The following NRG3 variants were observed in gnomAD, a reference collection of about 807,000 sequenced individuals.
NRG3 encodes neuregulin 3.
NRG3 carries 31 observed loss-of-function variants against 66.9 expected under a neutral mutation model. The ratio of observed to expected loss-of-function variants is 0.46; its 90% CI spans 0.35 to 0.63. NRG3 has a LOEUF of 0.63. Ranked by LOEUF, NRG3 falls within the 20% of genes least tolerant of loss-of-function variation. The probability of loss-of-function intolerance (pLI) is 0.00; values close to 1 mark genes in which losing one functional copy is unlikely to be tolerated. For synonymous variants in NRG3, 393 were observed against 359.4 expected (o/e 1.09, Z -1.06); for missense variants, 910 against 878.9 (o/e 1.04, Z -0.45).
chr10:82,629,141 T>C (rs2049634045), intron 2 of NRG3, among the ~76,000 whole-genome samples: 1 of 152,154 alleles, frequency 6.6e-6, no homozygotes, highest in African/African-American at 2.4e-5. Context: ...ATTCAAGGGA[T>C]CAGTACAGGC....
chr10:82,813,593 G>A (rs1400390684), intron 3 of NRG3, among the ~76,000 whole-genome samples: 1 of 152,042 alleles, frequency 6.6e-6, no homozygotes, highest in Non-Finnish European at 1.5e-5. Flanking sequence ...CGAGAGCATG[G>A]TAATCTTGAG....
chr10:82,241,166 T>C (rs1248344618), intron 1 of NRG3, among the ~76,000 whole-genome samples: 1 of 152,066 alleles, frequency 6.6e-6, no homozygotes, highest in East Asian at 1.9e-4. Flanking sequence ...AAAAACAACA[T>C]TGCATTTGAA....
rs185121194 is a variant in NRG3 at position 82,864,592 on chromosome 10, A to T, written c.1028-819A>T. 1.6e-3 allele frequency among the ~76,000 whole-genome samples: 247 copies of T among 152,368 alleles called. 1 individual carries two copies. The highest frequency in any genetic ancestry group is 2.7e-3 in the Non-Finnish European group (182 of 68,034). On this transcript the variant is annotated intron_variant, in intron 3 of 8. Coordinates refer to ENST00000372141, the MANE Select transcript of NRG3 (RefSeq NM_001010848.4). Reference sequence around the variant, plus strand: ...AAGTGAATGAGTGAATAACTGAATGATTAAAAAAAGAACCATTTAAATAGA... The same window carrying T: ...AAGTGAATGAGTGAATAACTGAATGTTTAAAAAAAGAACCATTTAAATAGA...
intron 6 of NRG3, among the ~76,000 whole-genome samples, chr10:82,961,459 G>A (rs765247502): frequency 6.7e-4 from 102 of 152,274 alleles, no homozygotes; most frequent in Middle Eastern, 6.8e-3. Flanking sequence ...AAATAGAAAT[G>A]GGATTTGGAG....
chr10:82,854,727 C>T (rs1282188794), intron 3 of NRG3, among the ~76,000 whole-genome samples: 1 of 152,182 alleles, frequency 6.6e-6, no homozygotes. Flanking sequence ...TTACCTCACA[C>T]AGTTTCTTGA....
In NRG3 at chr10:82,349,919, C is replaced by T. The variant is rs567684441; in HGVS notation, c.824-8820C>T. On this transcript the variant is annotated intron_variant, in intron 1 of 8. Transcript: ENST00000372141. ...AGTGAGGCAATGCCTCGCCCTGCTTCGGCTCGCGCACGGTGCGCGCACCCA... is the reference window on the plus strand; with the variant it reads ...AGTGAGGCAATGCCTCGCCCTGCTTTGGCTCGCGCACGGTGCGCGCACCCA... Among the ~76,000 whole-genome samples the T allele has an allele frequency of 1.2e-4, 19 of 152,268 alleles. No individual in the cohort carries two copies. The East Asian group carries it at 1.4e-3, about 11-fold the overall frequency.
At chr10:82,323,061 G>A (rs1035176688) in intron 1 of NRG3, among the ~76,000 whole-genome samples, 4 of 152,150 alleles carry the variant, frequency 2.6e-5, no homozygotes, top group African/African-American at 9.7e-5. Flanking sequence ...CTGCATAATT[G>A]AAATAAAATA....
chr10:82,889,272 A>T (rs1842960041), intron 4 of NRG3, among the ~76,000 whole-genome samples: 2 of 152,132 alleles, frequency 1.3e-5, no homozygotes, highest in South Asian at 4.1e-4. Flanking sequence ...ATACTGAGAG[A>T]GAGTCTGCTG....
At chr10:81,877,879 A>T (rs1164387234) in intron 1 of NRG3, 134 of 1,531,370 alleles carry the variant, frequency 8.8e-5, no homozygotes, top group Non-Finnish European at 1.2e-4. Flanking sequence ...TGTATGTGTG[A>T]ACATATTCAA....
intron 6 of NRG3, among the ~76,000 whole-genome samples, chr10:82,968,345 G>T (rs1851394042): frequency 6.6e-6 from 1 of 152,098 alleles, no homozygotes; most frequent in Admixed American, 6.5e-5. Flanking sequence ...GAAACAAAAT[G>T]CTGTGAGAGA....
chr10:82,367,410 C>G (rs2084605441), intron 2 of NRG3, among the ~76,000 whole-genome samples: 1 of 151,988 alleles, frequency 6.6e-6, no homozygotes, highest in Non-Finnish European at 1.5e-5. Flanking sequence ...GTTTTTATAG[C>G]CAATAGACTC....
chr10:82,516,158 G>GTA (rs936759788), intron 2 of NRG3, among the ~76,000 whole-genome samples: 1 of 152,004 alleles, frequency 6.6e-6, no homozygotes, highest in African/African-American at 2.4e-5. Context: ...GTGTGTGTGT[G>GTA]TATGTGTGTG....
At chr10:82,390,604 G>T (rs1388272215) in intron 2 of NRG3, among the ~76,000 whole-genome samples, 1 of 152,140 alleles carries the variant, frequency 6.6e-6, no homozygotes, top group Middle Eastern at 3.2e-3. Flanking sequence ...TGTGTAGTTT[G>T]AATAAGGTGT....
intron 3 of NRG3, among the ~76,000 whole-genome samples, chr10:82,744,710 T>G (rs945137713): frequency 6.6e-6 from 1 of 152,162 alleles, no homozygotes; most frequent in African/African-American, 2.4e-5. Flanking sequence ...CTTCACTCAT[T>G]CAAAATCTTA....
intron 2 of NRG3, among the ~76,000 whole-genome samples, chr10:82,588,739 G>A (rs988526107): frequency 6.6e-6 from 1 of 152,112 alleles, no homozygotes; most frequent in Non-Finnish European, 1.5e-5. Context: ...CCGACCTCAT[G>A]ATCTGCCCAC....
In NRG3 at chr10:82,297,642, A is replaced by G. The variant is rs181749954; in HGVS notation, c.824-61097A>G. ...TTGCTGATGTATTTTATGCATATGA[A>G]ATGATACAGGTGAAAACTCTTTGAG... is the stretch of plus-strand genomic sequence containing the variant. On this transcript the variant is annotated intron_variant, in intron 1 of 8. Transcript: ENST00000372141. Among the ~76,000 whole-genome samples, 4 of 152,290 alleles carry G rather than the reference A, an allele frequency of 2.6e-5. No homozygotes were observed. In the East Asian group the frequency reaches 7.7e-4, roughly 29 times the overall value.
chr10:82,131,231 A>G (rs2068795267), intron 1 of NRG3, among the ~76,000 whole-genome samples: 1 of 152,104 alleles, frequency 6.6e-6, no homozygotes, highest in Non-Finnish European at 1.5e-5. Flanking sequence ...ATGGCAAGAG[A>G]TAGGGGTCTA....
At chr10:82,465,434 G>A (rs957009626) in intron 2 of NRG3, among the ~76,000 whole-genome samples, 1 of 152,182 alleles carries the variant, frequency 6.6e-6, no homozygotes, top group Non-Finnish European at 1.5e-5. Flanking sequence ...GGATCCCTTT[G>A]TCTTCGTTGA....
chr10:81,905,902 G>A (rs2132698403), intron 1 of NRG3, among the ~76,000 whole-genome samples: 1 of 152,314 alleles, frequency 6.6e-6, no homozygotes, highest in East Asian at 1.9e-4. Flanking sequence ...AGAGGAAGCA[G>A]CACTGTACAA....
Sources: allele counts gnomAD v4.1 joint callset (sites outside exome capture counted in the v4.1 genomes callset), GRCh38; gene constraint gnomAD v4.1.1; transcripts MANE v1.5; gene names NCBI Gene and HGNC (gene_info 2026-07-23, HGNC 2026-07-21).